ZNF557: variants seen among roughly 807,000 people sequenced by gnomAD.
The protein encoded by ZNF557 is CTB-25J19.9.
ZNF557 carries 19 observed loss-of-function variants against 21.2 expected under a neutral mutation model. The ratio of observed to expected loss-of-function variants is 0.90; its 90% CI spans 0.63 to 1.32. ZNF557 has a LOEUF of 1.32. Among genes scored for constraint, ZNF557 ranks in the 40% most tolerant of loss-of-function variants. ZNF557 has a pLI of 0.00. For missense variants in ZNF557, 487 were observed against 519.8 expected (o/e 0.94, Z 0.61); for synonymous variants, 207 against 194.8 (o/e 1.06, Z -0.52).
intron 5 of ZNF557, among the ~76,000 whole-genome samples, chr19:7,077,542 C>T (rs1486218690): frequency 4.6e-5 from 7 of 152,158 alleles, no homozygotes; most frequent in Non-Finnish European, 5.9e-5. Context: ...TATATCATTT[C>T]ATCAGCTGAT....
chr19:7,083,953 CAA>C lies in ZNF557; in HGVS notation c.*210_*211del. On this transcript the variant is annotated 3_prime_UTR_variant, in exon 8 of 8. Coordinates refer to ENST00000252840, the MANE Select transcript of ZNF557 (RefSeq NM_024341.3). ...AGCTCTATAGTTCTTCAGGATATCTCAAGAGGTTACAGTCCAGATGTCAGCAG... is the reference window on the plus strand; with the variant it reads ...AGCTCTATAGTTCTTCAGGATATCTCGAGGTTACAGTCCAGATGTCAGCAG... 1.8e-6 allele frequency: 1 copy of C among 554,140 alleles called. No homozygotes were observed. Among genetic ancestry groups the C allele is most frequent in the Non-Finnish European group, 3.2e-6 (1 of 314,794 alleles). The allele number at this position is 554,140 out of a possible 1,614,324, so 34.3% of individuals were successfully genotyped here. A position where few individuals can be genotyped will look rare whatever the true frequency, so the allele number is the denominator to read the frequency against.
At chr19:7,075,542 T>G (rs1233716837) in intron 3 of ZNF557, 113 bp from the exon 4 acceptor site, 4 of 1,001,546 alleles carry the variant, frequency 4.0e-6, no homozygotes, top group Non-Finnish European at 6.0e-6. Context: ...GCTTTGTGGG[T>G]GACTGTGTAT....
chr19:7,074,872 G>A (rs1206053808), intron 2 of ZNF557, 124 bp from the exon 3 acceptor site: 46 of 657,138 alleles, frequency 7.0e-5, no homozygotes, highest in Admixed American at 1.4e-4. Context: ...GGGGGTGACC[G>A]AGGCAGGGCA....
At chr19:7,080,885 C>T (rs1413662102) in intron 5 of ZNF557, among the ~76,000 whole-genome samples, 1 of 152,148 alleles carries the variant, frequency 6.6e-6, no homozygotes, top group African/African-American at 2.4e-5. Context: ...CCTTCACTGA[C>T]ATTACTTCGT....
At chr19:7,081,577 C>T in intron 6 of ZNF557, 122 bp downstream of exon 6, 1 of 679,738 alleles carries the variant, frequency 1.5e-6, no homozygotes, top group South Asian at 1.9e-5. Flanking sequence ...CCCCTTTTCC[C>T]AAGAAGGCCA....
chr19:7,075,529 G>A lies in ZNF557; in HGVS notation c.32-126G>A, dbSNP rs1489694535. On this transcript the variant is annotated intron_variant, in intron 3 of 7. Coordinates refer to ENST00000252840, the MANE Select transcript of ZNF557 (RefSeq NM_024341.3). ...TTGGTGTTTGCTTGGAGTAGAGGTG[G>A]ATGCTTTGTGGGTGACTGTGTATGC... 3.4e-6 allele frequency: 3 copies of A among 895,430 alleles called. No individual in the cohort carries two copies. The East Asian group carries it at 7.8e-5, about 23-fold the overall frequency. The allele number at this position is 895,430 out of a possible 1,614,324, so 55.5% of individuals were successfully genotyped here.
chr19:7,082,053 G>T lies in ZNF557; in HGVS notation c.426+1G>T. On this transcript the variant is annotated splice_donor_variant, in intron 7 of 7. Transcript: ENST00000252840. LOFTEE classifies it high-confidence loss of function. ...AGAACAATCTAGAAATATGAAAATG[G>T]TAAGACTAACATGGGTGATTCCTGG... is the stretch of plus-strand genomic sequence containing the variant. 6.2e-7 allele frequency: 1 copy of T among 1,610,874 alleles called. No individual in the cohort carries two copies. Among genetic ancestry groups the T allele is most frequent in the Non-Finnish European group, 8.5e-7 (1 of 1,177,160 alleles).
At chr19:7,072,594 G>A (rs1977483091) in intron 2 of ZNF557, among the ~76,000 whole-genome samples, 1 of 152,092 alleles carries the variant, frequency 6.6e-6, no homozygotes, top group Non-Finnish European at 1.5e-5. Context: ...GCTCCAAACT[G>A]TGAACTTGGC....
At chr19:7,082,421 C>CAAAAAAA (rs10641888) in intron 7 of ZNF557, among the ~76,000 whole-genome samples, 1 of 108,390 alleles carries the variant, frequency 9.2e-6, no homozygotes, top group Non-Finnish European at 1.8e-5. Flanking sequence ...GACTCTGTCT[C>CAAAAAAA]AAAAAAAAAA....
In ZNF557 at chr19:7,075,125, C is replaced by T; in HGVS notation, c.31+20C>T. The T allele has an allele frequency of 6.2e-7, 1 of 1,613,900 alleles. No homozygotes were observed. Among genetic ancestry groups the T allele is most frequent in the Non-Finnish European group, 8.5e-7 (1 of 1,179,960 alleles). The stretch of plus-strand genomic sequence containing the variant: ...CTGCCGGTGAGTCATGGGGTCCTGG[C>T]AGTTCTCAGAGTCCAGGCTTGAAAG... On this transcript the variant is annotated intron_variant, in intron 3 of 7. Transcript: ENST00000252840.
In ZNF557 at chr19:7,082,935, A is replaced by G. The variant is rs1201237855; in HGVS notation, c.484A>G (p.Ser162Gly). 1.2e-6 allele frequency: 2 copies of G among 1,612,004 alleles called. No homozygotes were observed. The highest frequency in any genetic ancestry group is 1.7e-6 in the Non-Finnish European group (2 of 1,178,996). The change falls in exon 8 of 8, where the codon AGC (serine) becomes GGC (glycine). Residue 162 changes from serine (S) to glycine (G), a missense_variant. Coordinates refer to ENST00000252840, the MANE Select transcript of ZNF557 (RefSeq NM_024341.3). ...NECNQCFKVF[S>G]TKSSLTRHRK... ...ATGTAATCAGTGTTTTAAAGTCTTC[A>G]GCACAAAATCTTCCCTTACACGGCA...
chr19:7,069,876 G>C (rs1345331788), intron 1 of ZNF557, 103 bp downstream of exon 1: 1 of 152,388 alleles, frequency 6.6e-6, no homozygotes, highest in Non-Finnish European at 1.5e-5. Flanking sequence ...AGTTAAGCCC[G>C]AAGCTGCTGT....
rs1277349024 is a variant in ZNF557 at position 7,083,338 on chromosome 19, A to G, written c.887A>G (p.Gln296Arg). 3 of 1,614,224 alleles carry G rather than the reference A, an allele frequency of 1.9e-6. No homozygotes were observed. The highest frequency in any genetic ancestry group is 2.5e-6 in the Non-Finnish European group (3 of 1,180,048). The change falls in exon 8 of 8, where the codon CAG becomes CGG. Residue 296 changes from glutamine to arginine, a missense_variant. Transcript: ENST00000252840. ...HTGEGHYVCN[Q>R]CGKAFGTRSS... The stretch of plus-strand genomic sequence containing the variant: ...GGGGAGGGTCATTATGTATGTAATC[A>G]GTGTGGAAAGGCTTTCGGCACGAGG...
In ZNF557 at chr19:7,084,668, C is replaced by G. The variant is rs1389527892; in HGVS notation, c.*924C>G. On this transcript the variant is annotated 3_prime_UTR_variant, in exon 8 of 8. Transcript: ENST00000252840. ...ATGCCCAGCCAACTTCTAAACTGAT[C>G]AATATGGGAGTAGCATTCAATCACC... The G allele has an allele frequency of 6.6e-6, 1 of 152,040 alleles. No homozygotes were observed. The highest frequency in any genetic ancestry group is 2.4e-5 in the African/African-American group (1 of 41,400). 9.4% of individuals were successfully genotyped at this position (152,040 alleles called of 1,614,324 possible).
At position 7,085,751 on chromosome 19, in the gene ZNF557, G is replaced by A. The variant is rs542531933; in HGVS notation, c.*2007G>A. 1 of 152,172 alleles carries A rather than the reference G, an allele frequency of 6.6e-6. No individual in the cohort carries two copies. The highest frequency in any genetic ancestry group is 2.4e-5 in the African/African-American group (1 of 41,424). The allele number at this position is 152,172 out of a possible 1,614,324, so 9.4% of individuals were successfully genotyped here. ...ACCTTCATCAATGTCTCATTTGTAG[G>A]TTGGGCCACTAGCTCGTTCATTTTC... On this transcript the variant is annotated 3_prime_UTR_variant, in exon 8 of 8. Coordinates refer to ENST00000252840, the MANE Select transcript of ZNF557 (RefSeq NM_024341.3).
Position 7,086,073 on chromosome 19 carries a change from A to G in ZNF557, c.*2329A>G, listed in dbSNP as rs1977834075. 6.6e-6 allele frequency: 1 copy of G among 151,842 alleles called. No individual in the cohort carries two copies. The highest frequency in any genetic ancestry group is 2.1e-4 in the South Asian group (1 of 4,814). The allele number at this position is 151,842 out of a possible 1,614,324, so 9.4% of individuals were successfully genotyped here. On this transcript the variant is annotated 3_prime_UTR_variant, in exon 8 of 8. Coordinates refer to ENST00000252840, the MANE Select transcript of ZNF557 (RefSeq NM_024341.3). ...GGTGAAACCCCGCTTCTACTAAAAAATACAAAAATTAGCCGGGTGTGGTGG... is the reference window on the plus strand; with the variant it reads ...GGTGAAACCCCGCTTCTACTAAAAAGTACAAAAATTAGCCGGGTGTGGTGG...
chr19:7,074,301 T>C (rs2967643), intron 2 of ZNF557, among the ~76,000 whole-genome samples: 129,950 of 150,980 alleles, frequency 0.86, 56,023 homozygotes, highest in Middle Eastern at 0.89. Flanking sequence ...CCACCGCGCC[T>C]GGCCAGCCGC....
chr19:7,076,528 G>A (rs753495762), intron 5 of ZNF557, 21 bp downstream of exon 5: 2 of 1,606,072 alleles, frequency 1.2e-6, no homozygotes, highest in Admixed American at 1.7e-5. Context: ...TGTCATTCCT[G>A]CATTTATTTA....
In ZNF557 at chr19:7,080,624, G is replaced by C. The variant is rs575570300; in HGVS notation, c.248-736G>C. On this transcript the variant is annotated intron_variant, in intron 5 of 7. Coordinates refer to ENST00000252840, the MANE Select transcript of ZNF557 (RefSeq NM_024341.3). The stretch of plus-strand genomic sequence containing the variant: ...GGTTTTTGAGAATAAGGTGCATTCT[G>C]TTCCCTTCAGCACTAGAAACACAGG... 3.5e-4 allele frequency among the ~76,000 whole-genome samples: 53 copies of C among 152,324 alleles called. No homozygotes were observed. The South Asian group carries it at 0.011, about 32-fold the overall frequency.
Sources: gnomAD v4.1 joint callset for allele counts (sites outside exome capture counted in the v4.1 genomes callset) on GRCh38, gnomAD v4.1.1 for gene constraint, MANE v1.5 for transcripts, NCBI Gene and HGNC (gene_info 2026-07-23, HGNC 2026-07-21) for gene names.